UBA1: variants seen among roughly 807,000 people sequenced by gnomAD.
UBA1 encodes the protein ubiquitin-like modifier-activating enzyme 1.
UBA1 carries 4 observed loss-of-function variants against 84.7 expected under a neutral mutation model. The ratio of observed to expected loss-of-function variants is 0.05; its 90% CI spans 0.02 to 0.11. UBA1 has a LOEUF of 0.11. Ranked by LOEUF, UBA1 falls within the 10% of genes least tolerant of loss-of-function variation. The pLI, the probability that UBA1 is intolerant of heterozygous loss-of-function variation, is 1.00. For missense variants in UBA1, 513 were observed against 902.8 expected (o/e 0.57, Z 5.53); for synonymous variants, 364 against 362.6 (o/e 1.00, Z -0.04).
Position 47,214,528 on chromosome X carries a change from C to G in UBA1, c.2941-9C>G. ...CTCCATGACCCTGCTGTTCCCCCTCCCTCTCCAGACAGAGCACAAATTAGA... is the reference window on the plus strand; with the variant it reads ...CTCCATGACCCTGCTGTTCCCCCTCGCTCTCCAGACAGAGCACAAATTAGA... On this transcript the variant is annotated splice_polypyrimidine_tract_variant and intron_variant, in intron 24 of 25. Transcript: ENST00000335972. 1 of 1,208,874 alleles carries G rather than the reference C, an allele frequency of 8.3e-7. No homozygotes were observed. Among genetic ancestry groups the G allele is most frequent in the East Asian group, 3.0e-5 (1 of 33,827 alleles).
In UBA1 at chrX:47,211,066, G is replaced by A; in HGVS notation, c.2305G>A (p.Ala769Thr). Residue 769 changes from alanine to threonine, a missense_variant, in exon 20 of 26, where the codon GCC becomes ACC. Transcript: ENST00000335972. ...GCATCTGGACTATGTGATGGCTGCT[G>A]CCAACCTGTTTGCCCAGACCTACGG... The part of the protein sequence containing the change: ...PLHLDYVMAA[A>T]NLFAQTYGLT... The A allele has an allele frequency of 5.8e-6, 7 of 1,211,688 alleles. No homozygotes were observed. Among genetic ancestry groups the A allele is most frequent in the Non-Finnish European group, 7.8e-6 (7 of 895,562 alleles).
intron 1 of UBA1, among the ~76,000 whole-genome samples, chrX:47,195,096 A>G (rs1556785027): frequency 9.0e-6 from 1 of 110,889 alleles, no homozygotes; most frequent in Non-Finnish European, 1.9e-5. Context: ...CAGATCCCTT[A>G]TCCTCACATC....
At position 47,201,381 on chromosome X, in the gene UBA1, C is replaced by G. The variant is rs1322272098; in HGVS notation, c.678+15C>G. On this transcript the variant is annotated intron_variant, in intron 7 of 25. Coordinates refer to ENST00000335972, the MANE Select transcript of UBA1 (RefSeq NM_003334.4). Reference sequence around the variant, plus strand: ...TGGTTACCAAGGTAAGGAGACCAGCCCTAGGGTTCCTGGCAGGCAGGTGGG... The same window carrying G: ...TGGTTACCAAGGTAAGGAGACCAGCGCTAGGGTTCCTGGCAGGCAGGTGGG... The G allele has an allele frequency of 8.3e-6, 10 of 1,208,304 alleles. No individual in the cohort carries two copies. The highest frequency in any genetic ancestry group is 1.1e-5 in the Non-Finnish European group (10 of 893,063).
At chrX:47,213,327 C>T (rs1556794155) in intron 23 of UBA1, 146 bp downstream of exon 23, 2 of 628,489 alleles carry the variant, frequency 3.2e-6, no homozygotes, top group Non-Finnish European at 4.7e-6. Context: ...ATTCATTAAT[C>T]ACATTATTTG....
Position 47,210,001 on chromosome X carries a change from C to T in UBA1, c.2077C>T (p.Arg693Cys), listed in dbSNP as rs782707398. 1.2e-5 allele frequency: 15 copies of T among 1,210,797 alleles called. No homozygotes were observed. Among genetic ancestry groups the T allele is most frequent in the African/African-American group, 1.7e-5 (1 of 57,437 alleles). The change falls in exon 18 of 26, where the codon CGC becomes TGC. Residue 693 changes from arginine to cysteine, a missense_variant. Coordinates refer to ENST00000335972, the MANE Select transcript of UBA1 (RefSeq NM_003334.4). Reference sequence around the variant, plus strand: ...CTTGGAGGTGCTGGAGGCTGTGCAGCGCAGCCTGGTGCTGCAGCGACCACA... The same window carrying T: ...CTTGGAGGTGCTGGAGGCTGTGCAGTGCAGCCTGGTGCTGCAGCGACCACA... ...QPLEVLEAVQ[R>C]SLVLQRPQTW... is the part of the protein sequence containing the mutation.
At position 47,210,871 on chromosome X, in the gene UBA1, T is replaced by G. The variant is rs782701927; in HGVS notation, c.2229T>G (p.Ser743=). 8.3e-7 allele frequency: 1 copy of G among 1,209,680 alleles called. No individual in the cohort carries two copies. The highest frequency in any genetic ancestry group is 1.1e-6 in the Non-Finnish European group (1 of 895,097). The stretch of plus-strand genomic sequence containing the variant: ...CAAGCTCAGGAGCGCCGTTCTGGTC[T>G]GGGCCCAAACGCTGTCCACACCCGC... The part of the protein sequence containing the change: ...QLTSSGAPFW[S]GPKRCPHPLT... Residue 743 remains serine (S), a synonymous_variant, in exon 19 of 26, where the codon TCT becomes TCG. Transcript: ENST00000335972.
chrX:47,198,374 C>A (rs902903897), intron 1 of UBA1: 2 of 856,655 alleles, frequency 2.3e-6, no homozygotes, highest in Non-Finnish European at 3.1e-6. Context: ...TATTATCACC[C>A]CTGTTTCACA....
chrX:47,210,755 C>A, intron 18 of UBA1, 87 bp from the exon 19 acceptor site: 1 of 973,269 alleles, frequency 1.0e-6, no homozygotes, highest in Non-Finnish European at 1.4e-6. Flanking sequence ...GAATTGGGGG[C>A]ACATCTGGGG....
intron 1 of UBA1, among the ~76,000 whole-genome samples, chrX:47,195,788 G>GT (rs1936185318): frequency 9.0e-6 from 1 of 111,092 alleles, no homozygotes; most frequent in Non-Finnish European, 1.9e-5. Context: ...CAGGGCCTTT[G>GT]TGTTCCATTA....
Position 47,202,805 on chromosome X carries a change from A to G in UBA1, c.1224A>G (p.Glu408=). ...TCATTGGGGGCCTGGCTGCCCAGGA[A>G]GTCATGAAGGTCAGCACGGGTGGGG... ...NAFIGGLAAQ[E]VMKACSGKFM... The change falls in exon 11 of 26, where the codon GAA becomes GAG. Residue 408 remains glutamate (E), a synonymous_variant. Transcript: ENST00000335972. 8.3e-7 allele frequency: 1 copy of G among 1,207,674 alleles called. No homozygotes were observed. The highest frequency in any genetic ancestry group is 1.7e-5 in the African/African-American group (1 of 57,799).
intron 1 of UBA1, among the ~76,000 whole-genome samples, chrX:47,195,985 C>G (rs782483206): frequency 6.3e-5 from 7 of 110,961 alleles, no homozygotes; most frequent in Non-Finnish European, 9.4e-5. Context: ...GAGGCTGCCT[C>G]TCCCCCCAGA....
Position 47,199,500 on chromosome X carries a change from C to T in UBA1, c.366C>T (p.Asp122=). ...LSSQFYLREE[D]IGKNRAEVSQ... Reference sequence around the variant, plus strand: ...TACAGTTCTACCTGCGGGAGGAGGACATCGGTAAAAACCGGGCCGAGGTAT... The same window carrying T: ...TACAGTTCTACCTGCGGGAGGAGGATATCGGTAAAAACCGGGCCGAGGTAT... The change falls in exon 5 of 26, where the codon GAC becomes GAT. Residue 122 remains aspartate (D), a synonymous_variant. Transcript: ENST00000335972. 1 of 1,211,935 alleles carries T rather than the reference C, an allele frequency of 8.3e-7. No individual in the cohort carries two copies. Among genetic ancestry groups the T allele is most frequent in the Non-Finnish European group, 1.1e-6 (1 of 895,556 alleles).
chrX:47,195,778 C>G (rs1394856890), intron 1 of UBA1, among the ~76,000 whole-genome samples: 2 of 111,240 alleles, frequency 1.8e-5, no homozygotes, highest in African/African-American at 3.3e-5. Flanking sequence ...GAGATTGACA[C>G]AGGGCCTTTG....
At chrX:47,214,739 A>G (rs1937075361) in intron 25 of UBA1, 55 bp from the exon 26 acceptor site, 1 of 1,204,018 alleles carries the variant, frequency 8.3e-7, no homozygotes, top group Non-Finnish European at 1.1e-6. Flanking sequence ...CTACCTGCCC[A>G]TCCTCTCTTG....
At chrX:47,193,283 G>A (rs1556784585), upstream of UBA1, among the ~76,000 whole-genome samples, 2 of 111,563 alleles carry the variant, frequency 1.8e-5, no homozygotes, top group East Asian at 5.6e-4. Context: ...ACCTGGGAGA[G>A]TGTGTTTTCC....
At chrX:47,213,217 G>C in intron 23 of UBA1, 36 bp downstream of exon 23, 1 of 1,184,818 alleles carries the variant, frequency 8.4e-7, no homozygotes, top group Non-Finnish European at 1.1e-6. Context: ...TTTGGGTGGG[G>C]TGTATCTGTG....
chrX:47,208,546 C>T (rs1556792162), intron 16 of UBA1: 1 of 111,046 alleles, frequency 9.0e-6, no homozygotes, highest in East Asian at 2.8e-4. Context: ...TTTTAAAAAA[C>T]TGTGGTAAGA....
At chrX:47,208,141 T>C (rs1936748165) in intron 16 of UBA1, among the ~76,000 whole-genome samples, 1 of 112,789 alleles carries the variant, frequency 8.9e-6, no homozygotes, top group Non-Finnish European at 1.9e-5. Flanking sequence ...CTAGGAATTC[T>C]CAGAGGCCAG....
rs1378726170 is a variant in UBA1 at position 47,193,870 on chromosome X, A to C, written c.-155A>C. 1 of 111,745 alleles carries C rather than the reference A, an allele frequency of 8.9e-6. No homozygotes were observed. Among genetic ancestry groups the C allele is most frequent in the African/African-American group, 3.3e-5 (1 of 30,635 alleles). 9.2% of individuals were successfully genotyped at this position (111,745 alleles called of 1,213,427 possible). Reference sequence around the variant, plus strand: ...TCGGCTGTAAGGAGGTGGCAGGGACAACCACAACCACAACGGCCGGGGGAG... The same window carrying C: ...TCGGCTGTAAGGAGGTGGCAGGGACCACCACAACCACAACGGCCGGGGGAG... On this transcript the variant is annotated 5_prime_UTR_variant, in exon 1 of 26. Coordinates refer to ENST00000335972, the MANE Select transcript of UBA1 (RefSeq NM_003334.4).
Sources: gnomAD v4.1 joint callset for allele counts (sites outside exome capture counted in the v4.1 genomes callset) on GRCh38, gnomAD v4.1.1 for gene constraint, MANE v1.5 for transcripts, NCBI Gene and HGNC (gene_info 2026-07-23, HGNC 2026-07-21) for gene names.